STXBP5L: variants seen among roughly 807,000 people sequenced by gnomAD.
STXBP5L encodes syntaxin binding protein 5L.
In STXBP5L, 65 loss-of-function variants were observed where a neutral mutation model predicts 144.5. That is an observed-to-expected ratio of 0.45 (90% CI 0.37 to 0.55). The LOEUF is 0.55. STXBP5L is among the 20% of genes least tolerant of loss of function. The pLI is 0.00. For missense variants in STXBP5L, 1,298 were observed against 1,405.5 expected (o/e 0.92, Z 1.22); for synonymous variants, 505 against 469.6 (o/e 1.08, Z -0.97).
chr3:121,255,347 C>A (rs893418052), intron 16 of STXBP5L, among the ~76,000 whole-genome samples: 10 of 152,126 alleles, frequency 6.6e-5, no homozygotes, highest in South Asian at 2.1e-4. Context: ...AATGTCAAAA[C>A]AAGCTTAGTA....
At chr3:120,949,942 G>GT (rs1216994148) in intron 2 of STXBP5L, among the ~76,000 whole-genome samples, 6 of 151,828 alleles carry the variant, frequency 4.0e-5, no homozygotes, top group Non-Finnish European at 8.8e-5. Flanking sequence ...CAATATGTCT[G>GT]TTTTTTGTTT....
chr3:121,399,385 T>G (rs1031001295), intron 22 of STXBP5L, among the ~76,000 whole-genome samples: 10 of 152,126 alleles, frequency 6.6e-5, no homozygotes, highest in African/African-American at 2.4e-4. Flanking sequence ...ACCAGCTCGG[T>G]TGGGGAGACC....
intron 19 of STXBP5L, among the ~76,000 whole-genome samples, chr3:121,285,658 A>G (rs1021992673): frequency 3.3e-5 from 5 of 152,058 alleles, no homozygotes; most frequent in Admixed American, 1.3e-4. Context: ...AAGCAGAAAA[A>G]CGCTTTGAAA....
chr3:121,240,077 A>G (rs2049618801), intron 13 of STXBP5L, among the ~76,000 whole-genome samples: 1 of 152,116 alleles, frequency 6.6e-6, no homozygotes, highest in African/African-American at 2.4e-5. Flanking sequence ...CTTGGGATGG[A>G]CAACTTCAAG....
At chr3:120,954,909 A>G in intron 2 of STXBP5L, 31 bp from the exon 3 acceptor site, 1 of 1,565,070 alleles carries the variant, frequency 6.4e-7, no homozygotes, top group African/African-American at 1.4e-5. Context: ...ATTTCCCTAG[A>G]GACTTATTGG....
chr3:121,160,851 T>C (rs988778890), intron 9 of STXBP5L, among the ~76,000 whole-genome samples: 2 of 152,176 alleles, frequency 1.3e-5, no homozygotes, highest in East Asian at 3.8e-4. Context: ...CTAAGCATTT[T>C]ATTTTCACAT....
intron 19 of STXBP5L, among the ~76,000 whole-genome samples, chr3:121,311,092 A>G (rs560715615): frequency 6.6e-6 from 1 of 152,332 alleles, no homozygotes; most frequent in East Asian, 1.9e-4. Flanking sequence ...TAGAATCATG[A>G]AGATATATGA....
intron 2 of STXBP5L, among the ~76,000 whole-genome samples, chr3:120,937,247 A>G (rs1710310960): frequency 6.6e-6 from 1 of 152,188 alleles, no homozygotes. Context: ...TGCTCTGAGT[A>G]TATTTCAAAA....
chr3:121,078,493 G>A (rs773860521), intron 5 of STXBP5L, among the ~76,000 whole-genome samples: 25 of 152,242 alleles, frequency 1.6e-4, no homozygotes, highest in Non-Finnish European at 2.9e-4. Flanking sequence ...CACCAGGGCC[G>A]CAGGTGGAGC....
chr3:121,256,637 G>C (rs2050214411), intron 16 of STXBP5L, among the ~76,000 whole-genome samples: 1 of 151,722 alleles, frequency 6.6e-6, no homozygotes, highest in African/African-American at 2.4e-5. Context: ...TTAATGCAAA[G>C]TTAAAATGCA....
At chr3:121,364,175 A>T (rs1028932724) in intron 20 of STXBP5L, among the ~76,000 whole-genome samples, 1 of 152,198 alleles carries the variant, frequency 6.6e-6, no homozygotes, top group African/African-American at 2.4e-5. Context: ...TACCTGCACC[A>T]TCAAGTTTTA....
intron 3 of STXBP5L, among the ~76,000 whole-genome samples, chr3:120,960,661 A>T (rs1436547738): frequency 6.6e-6 from 1 of 152,160 alleles, no homozygotes; most frequent in Non-Finnish European, 1.5e-5. Context: ...TGGCAAGGAC[A>T]GAAAAACCAA....
chr3:120,981,172 G>A (rs1165869887), intron 3 of STXBP5L, among the ~76,000 whole-genome samples: 1 of 152,074 alleles, frequency 6.6e-6, no homozygotes, highest in Non-Finnish European at 1.5e-5. Flanking sequence ...CTTCTGATGA[G>A]TATATGCCAT....
intron 3 of STXBP5L, among the ~76,000 whole-genome samples, chr3:120,976,322 TTA>T (rs1941007624): frequency 6.6e-6 from 1 of 152,228 alleles, no homozygotes; most frequent in South Asian, 2.1e-4. Context: ...ATTTTCTAGT[TTA>T]TTTGTGTAGA....
At chr3:120,987,002 A>T (rs1208167625) in intron 3 of STXBP5L, among the ~76,000 whole-genome samples, 1 of 151,946 alleles carries the variant, frequency 6.6e-6, no homozygotes, top group African/African-American at 2.4e-5. Flanking sequence ...AGAAAAAAGA[A>T]AGTTATAGAG....
intron 2 of STXBP5L, among the ~76,000 whole-genome samples, chr3:120,937,428 C>CTT (rs1340471381): frequency 1.3e-5 from 2 of 152,172 alleles, no homozygotes; most frequent in African/African-American, 4.8e-5. Flanking sequence ...TCACATTAAA[C>CTT]CTCCAGCAAT....
At chr3:121,130,207 T>A (rs1372196216) in intron 7 of STXBP5L, among the ~76,000 whole-genome samples, 1 of 152,092 alleles carries the variant, frequency 6.6e-6, no homozygotes, top group Non-Finnish European at 1.5e-5. Context: ...GTAGATAAAA[T>A]GTTCTATTGG....
chr3:121,080,678 G>T (rs927996041), intron 5 of STXBP5L, among the ~76,000 whole-genome samples: 1 of 152,110 alleles, frequency 6.6e-6, no homozygotes, highest in Non-Finnish European at 1.5e-5. Context: ...AATCCCTTCT[G>T]GCTTGTAAGG....
At chr3:121,354,894 C>T (rs2045445796) in intron 20 of STXBP5L, among the ~76,000 whole-genome samples, 1 of 152,092 alleles carries the variant, frequency 6.6e-6, no homozygotes, top group Non-Finnish European at 1.5e-5. Flanking sequence ...TTGGTGGTGA[C>T]AAAATCTCTC....
Sources: gnomAD v4.1 joint callset for allele counts (sites outside exome capture counted in the v4.1 genomes callset) on GRCh38, gnomAD v4.1.1 for gene constraint, MANE v1.5 for transcripts, NCBI Gene and HGNC (gene_info 2026-07-23, HGNC 2026-07-21) for gene names.